The following TXNL4B variants were observed in gnomAD, a reference collection of about 807,000 sequenced individuals.
TXNL4B encodes thioredoxin-like protein 4B.
Under a neutral mutation model 13.0 loss-of-function variants are expected in TXNL4B, and 12 were observed. The ratio of observed to expected loss-of-function variants is 0.92; its 90% CI spans 0.59 to 1.49. TXNL4B has a LOEUF of 1.49. TXNL4B is among the 40% of genes most tolerant of loss of function. The pLI is 0.00. For missense variants in TXNL4B, 214 were observed against 173.6 expected (o/e 1.23, Z -1.31); for synonymous variants, 59 against 58.9 (o/e 1.00, Z -0.01).
At chr16:72,092,310 G>T (rs950061374) in intron 1 of TXNL4B, among the ~76,000 whole-genome samples, 1 of 152,188 alleles carries the variant, frequency 6.6e-6, no homozygotes, top group South Asian at 2.1e-4. Flanking sequence ...CTACTCAGGA[G>T]GCTGAGGCAG....
intron 3 of TXNL4B, among the ~76,000 whole-genome samples, chr16:72,088,521 AAG>A (rs528970210): frequency 7.9e-4 from 121 of 152,372 alleles, no homozygotes; most frequent in African/African-American, 2.4e-3. Context: ...GAAACTTTGC[AAG>A]AGAGAAGCAC....
chr16:72,092,413 C>T (rs975748040), intron 1 of TXNL4B, among the ~76,000 whole-genome samples: 1 of 132,584 alleles, frequency 7.5e-6, no homozygotes, highest in Admixed American at 7.2e-5. Context: ...AGCGAAGCTC[C>T]GTCTCCAAAA....
At chr16:72,089,181 G>A (rs1387121082) in intron 2 of TXNL4B, 43 bp from the exon 3 acceptor site, 3 of 1,544,204 alleles carry the variant, frequency 1.9e-6, no homozygotes, top group Non-Finnish European at 2.7e-6. Context: ...ATGAGAGGCA[G>A]CTTAATGTTT....
chr16:72,089,225 T>C lies in TXNL4B; in HGVS notation c.133-87A>G, dbSNP rs532894306. 75 of 1,268,306 alleles carry C rather than the reference T, an allele frequency of 5.9e-5. No homozygotes were observed. In the South Asian group the frequency reaches 1.0e-3, roughly 17 times the overall value. 78.6% of individuals were successfully genotyped at this position (1,268,306 alleles called of 1,614,324 possible). Reference sequence around the variant, plus strand: ...AAACTTGTTACTACAACAGAGTGTTTTGTTTGAAAAAACTCCTGGGCCAAC... The same window carrying C: ...AAACTTGTTACTACAACAGAGTGTTCTGTTTGAAAAAACTCCTGGGCCAAC... On this transcript the variant is annotated intron_variant, in intron 2 of 3. Transcript: ENST00000268483.
intron 1 of TXNL4B, among the ~76,000 whole-genome samples, chr16:72,091,911 A>G (rs1380981031): frequency 6.6e-6 from 1 of 152,254 alleles, no homozygotes; most frequent in African/African-American, 2.4e-5. Flanking sequence ...AATACAGGCC[A>G]CCAAATTTCT....
At chr16:72,090,126 T>C in intron 2 of TXNL4B, 1 of 456,090 alleles carries the variant, frequency 2.2e-6, no homozygotes, top group Non-Finnish European at 4.4e-6. Flanking sequence ...TAAGAGGTCT[T>C]AGTTCTGGGT....
At chr16:72,090,412 T>C (rs117069901) in intron 2 of TXNL4B, among the ~76,000 whole-genome samples, 2,315 of 152,274 alleles carry the variant, frequency 0.015, 30 homozygotes, top group Non-Finnish European at 0.023. Flanking sequence ...TGACAGCTTC[T>C]AGTGGGTAAG....
At chr16:72,090,539 C>T (rs1244965522) in intron 2 of TXNL4B, 79 bp downstream of exon 2, 1 of 1,455,544 alleles carries the variant, frequency 6.9e-7, no homozygotes, top group African/African-American at 1.4e-5. Context: ...TGACTACTCC[C>T]TCTCATGTAC....
intron 3 of TXNL4B, among the ~76,000 whole-genome samples, 157 bp downstream of exon 3, chr16:72,088,830 A>C (rs2041860413): frequency 6.6e-6 from 1 of 152,238 alleles, no homozygotes; most frequent in Admixed American, 6.5e-5. Flanking sequence ...TTTTGTAGCA[A>C]GGTTTTGCAT....
rs1403189058 is a variant in TXNL4B at position 72,090,738 on chromosome 16, T to C, written c.12A>G (p.Leu4=). 5.0e-6 allele frequency: 8 copies of C among 1,614,136 alleles called. No individual in the cohort carries two copies. The highest frequency in any genetic ancestry group is 2.2e-5 in the East Asian group (1 of 44,870). Residue 4 remains leucine (L), a synonymous_variant, in exon 2 of 4, where the codon CTA becomes CTG. Coordinates refer to ENST00000268483, the MANE Select transcript of TXNL4B (RefSeq NM_017853.3). ...CCTTTTTGCTAGTCAGCTTGGGCAG[T>C]AGGAAGCTCATCTTGAAATAACCCA... MSF[L]LPKLTSKKEV...
Position 72,090,779 on chromosome 16 carries a change from T to C in TXNL4B, c.-30A>G. 2 of 1,613,378 alleles carry C rather than the reference T, an allele frequency of 1.2e-6. No homozygotes were observed. Among genetic ancestry groups the C allele is most frequent in the Non-Finnish European group, 1.7e-6 (2 of 1,179,704 alleles). ...AAATAACCCAAATGTGAATCCTCACTGTCACTCCTGAAATAAAGGTGCAAT... is the reference window on the plus strand; with the variant it reads ...AAATAACCCAAATGTGAATCCTCACCGTCACTCCTGAAATAAAGGTGCAAT... On this transcript the variant is annotated 5_prime_UTR_variant, in exon 2 of 4. Coordinates refer to ENST00000268483, the MANE Select transcript of TXNL4B (RefSeq NM_017853.3).
At chr16:72,092,809 T>TA (rs1380883617) in intron 1 of TXNL4B, among the ~76,000 whole-genome samples, 1 of 151,898 alleles carries the variant, frequency 6.6e-6, no homozygotes, top group Non-Finnish European at 1.5e-5. Flanking sequence ...GTAAATAAAC[T>TA]AAAAAGTTAA....
rs1354276048 is a variant in TXNL4B, at chr16:72,085,679, C to T, written c.*958G>A. ...GTGGTGGATGGTGAAGGTTCAAATTCTCACTTTCCATATTAAATTTTATAA... is the reference window on the plus strand; with the variant it reads ...GTGGTGGATGGTGAAGGTTCAAATTTTCACTTTCCATATTAAATTTTATAA... On this transcript the variant is annotated 3_prime_UTR_variant, in exon 4 of 4. Transcript: ENST00000268483. 1 of 152,140 alleles carries T rather than the reference C, an allele frequency of 6.6e-6. No homozygotes were observed. Among genetic ancestry groups the T allele is most frequent in the East Asian group, 1.9e-4 (1 of 5,194 alleles). 9.4% of individuals were successfully genotyped at this position (152,140 alleles called of 1,614,324 possible).
intron 1 of TXNL4B, among the ~76,000 whole-genome samples, chr16:72,092,123 A>T (rs2041915521): frequency 6.6e-6 from 1 of 152,224 alleles, no homozygotes; most frequent in South Asian, 2.1e-4. Flanking sequence ...TCACATTTTA[A>T]GATACGAATT....
Position 72,086,616 on chromosome 16 carries a change from T to C in TXNL4B, c.*21A>G. 6.2e-7 allele frequency: 1 copy of C among 1,601,382 alleles called. No homozygotes were observed. Among genetic ancestry groups the C allele is most frequent in the Non-Finnish European group, 8.6e-7 (1 of 1,169,580 alleles). On this transcript the variant is annotated 3_prime_UTR_variant, in exon 4 of 4. Transcript: ENST00000268483. ...GTGTCAAGATGTGCCTTCTTCTTCA[T>C]CTTTGACAGCAATTAATGTACTAAA...
chr16:72,088,900 A>G, intron 3 of TXNL4B, 87 bp downstream of exon 3: 1 of 1,048,292 alleles, frequency 9.5e-7, no homozygotes, highest in Admixed American at 2.1e-5. Context: ...CACAGAGCCA[A>G]CATCACATGG....
chr16:72,088,840 T>TA (rs2041860547), intron 3 of TXNL4B, 147 bp downstream of exon 3: 1 of 535,320 alleles, frequency 1.9e-6, no homozygotes, highest in Non-Finnish European at 3.2e-6. Flanking sequence ...AGGTTTTGCA[T>TA]AAAAAATTAG....
chr16:72,090,891 A>G (rs963289604), intron 1 of TXNL4B, 105 bp from the exon 2 acceptor site: 10 of 903,796 alleles, frequency 1.1e-5, no homozygotes, highest in Non-Finnish European at 1.5e-5. Context: ...ATGGTATGAA[A>G]GAAACATCAT....
At position 72,085,165 on chromosome 16, in the gene TXNL4B, T is replaced by C. The variant is rs959695466; in HGVS notation, c.*1472A>G. 9 of 395,418 alleles carry C rather than the reference T, an allele frequency of 2.3e-5. No individual in the cohort carries two copies. The highest frequency in any genetic ancestry group is 1.0e-4 in the African/African-American group (5 of 48,540). The allele number at this position is 395,418 out of a possible 1,614,324, so 24.5% of individuals were successfully genotyped here. On this transcript the variant is annotated 3_prime_UTR_variant, in exon 4 of 4. Coordinates refer to ENST00000268483, the MANE Select transcript of TXNL4B (RefSeq NM_017853.3). Reference sequence around the variant, plus strand: ...GGGATACAAGCAGTGCCTGGCAGCCTTCCCTCTCTCCTGTATGAGCCAAAA... The same window carrying C: ...GGGATACAAGCAGTGCCTGGCAGCCCTCCCTCTCTCCTGTATGAGCCAAAA...
Sources: allele counts gnomAD v4.1 joint callset (sites outside exome capture counted in the v4.1 genomes callset), GRCh38; gene constraint gnomAD v4.1.1; transcripts MANE v1.5; gene names NCBI Gene and HGNC (gene_info 2026-07-23, HGNC 2026-07-21).